UBR3: variants seen among roughly 807,000 people sequenced by gnomAD.
UBR3 encodes ubiquitin protein ligase E3 component n-recognin 3.
In UBR3, 85 loss-of-function variants were observed where a neutral mutation model predicts 243.2. The observed-to-expected ratio is 0.35, with a 90% CI of 0.29 to 0.42. UBR3 has a LOEUF of 0.42. Among genes scored for constraint, UBR3 ranks in the 10% least tolerant of loss-of-function variants. The pLI, the probability that UBR3 is intolerant of heterozygous loss-of-function variation, is 1.00. For synonymous variants in UBR3, 748 were observed against 799.8 expected (o/e 0.94, Z 1.09); for missense variants, 1,686 against 2,300.8 (o/e 0.73, Z 5.47).
intron 11 of UBR3, among the ~76,000 whole-genome samples, chr2:169,918,977 G>T (rs2085577584): frequency 1.3e-5 from 2 of 152,136 alleles, no homozygotes; most frequent in African/African-American, 4.8e-5. Context: ...CCATAAAAGG[G>T]AGCACCTGAT....
chr2:170,003,937 G>A (rs1011421324), intron 27 of UBR3, among the ~76,000 whole-genome samples: 3 of 152,224 alleles, frequency 2.0e-5, no homozygotes, highest in Admixed American at 6.5e-5. Flanking sequence ...ACTGTGCCTG[G>A]CCATCTGCCA....
In UBR3 at chr2:170,073,461, C is replaced by G. The variant is rs772683188; in HGVS notation, c.5053C>G (p.Leu1685Val). Residue 1685 changes from leucine to valine, a missense_variant, in exon 36 of 39, where the codon CTG (leucine) becomes GTG (valine). Transcript: ENST00000272793. ...EEEFSVLASC[L>V]GLLPTFYQTE... ...AGAATTTTCAGTTCTTGCCAGCTGC[C>G]TGGGACTTCTGCCAACGTTTTACCA... 1.2e-6 allele frequency: 2 copies of G among 1,613,636 alleles called. No homozygotes were observed. Among genetic ancestry groups the G allele is most frequent in the African/African-American group, 1.3e-5 (1 of 75,034 alleles).
Position 169,994,437 on chromosome 2 carries a change from T to TA in UBR3, c.3900dup (p.Gln1301ThrfsTer5). 6.2e-7 allele frequency: 1 copy of TA among 1,614,098 alleles called. No individual in the cohort carries two copies. The highest frequency in any genetic ancestry group is 8.5e-7 in the Non-Finnish European group (1 of 1,179,954). On this transcript the variant is annotated frameshift_variant, in exon 26 of 39. Transcript: ENST00000272793. LOFTEE classifies it high-confidence loss of function. ...GTTCATGATGTGAGGCTTTCATTAT[T>TA]ACAGCGTTATTTTAAGGATGTAAGT...
At chr2:169,954,719 T>C (rs907077210) in intron 23 of UBR3, among the ~76,000 whole-genome samples, 1 of 152,022 alleles carries the variant, frequency 6.6e-6, no homozygotes, top group Non-Finnish European at 1.5e-5. Context: ...GGATTACAGG[T>C]GCTTGCCACC....
At chr2:169,897,011 A>G (rs1202960707) in intron 8 of UBR3, among the ~76,000 whole-genome samples, 1 of 152,104 alleles carries the variant, frequency 6.6e-6, no homozygotes, top group African/African-American at 2.4e-5. Flanking sequence ...ATTCACAAAT[A>G]CCTGTTGTTA....
At chr2:169,992,750 CT>C (rs1188786930) in intron 25 of UBR3, among the ~76,000 whole-genome samples, 1 of 152,028 alleles carries the variant, frequency 6.6e-6, no homozygotes, top group African/African-American at 2.4e-5. Flanking sequence ...CAAGGTTATT[CT>C]TTTTTAAAAA....
intron 23 of UBR3, among the ~76,000 whole-genome samples, chr2:169,954,763 C>T (rs1333690877): frequency 6.6e-6 from 1 of 151,720 alleles, no homozygotes. Context: ...TTAGTAGAGA[C>T]AGGGTTTCAC....
chr2:169,944,924 C>G (rs565144389), intron 20 of UBR3, among the ~76,000 whole-genome samples: 2 of 152,232 alleles, frequency 1.3e-5, no homozygotes, highest in African/African-American at 4.8e-5. Flanking sequence ...TTGGTTTTCT[C>G]TCCATAACAT....
At chr2:169,927,905 T>C (rs2085970467) in intron 17 of UBR3, among the ~76,000 whole-genome samples, 1 of 152,252 alleles carries the variant, frequency 6.6e-6, no homozygotes, top group Non-Finnish European at 1.5e-5. Context: ...GTTCTTTGTA[T>C]AGGACTGAAC....
At chr2:170,040,854 A>G (rs1553538911) in intron 31 of UBR3, 28 bp from the exon 32 acceptor site, 3 of 1,524,868 alleles carry the variant, frequency 2.0e-6, no homozygotes, top group African/African-American at 1.4e-5. Flanking sequence ...ATACAATACT[A>G]TGTAAAGTGA....
chr2:169,841,777 G>C (rs4668172), intron 1 of UBR3, among the ~76,000 whole-genome samples: 8,707 of 152,306 alleles, frequency 0.057, 452 homozygotes, highest in African/African-American at 0.14. Context: ...CCGCGGGGCA[G>C]GGCTCGGGAC....
At chr2:170,081,041 A>G (rs1401872455) in intron 38 of UBR3, among the ~76,000 whole-genome samples, 1 of 152,050 alleles carries the variant, frequency 6.6e-6, no homozygotes, top group African/African-American at 2.4e-5. Context: ...AAATAAAAAT[A>G]AATAAGCCAG....
At chr2:169,897,979 G>A (rs2084655699) in intron 8 of UBR3, among the ~76,000 whole-genome samples, 1 of 152,142 alleles carries the variant, frequency 6.6e-6, no homozygotes, top group Non-Finnish European at 1.5e-5. Flanking sequence ...AGGTTATACA[G>A]CCAGCAAATG....
chr2:170,068,308 A>C (rs1278793477), intron 35 of UBR3, among the ~76,000 whole-genome samples: 2 of 152,042 alleles, frequency 1.3e-5, no homozygotes, highest in Admixed American at 6.6e-5. Context: ...GTCTCTACTA[A>C]AATACAGAAA....
intron 33 of UBR3, among the ~76,000 whole-genome samples, chr2:170,056,003 C>CTTTTT (rs34415442): frequency 8.7e-4 from 77 of 88,916 alleles, no homozygotes; most frequent in African/African-American, 1.6e-3. Flanking sequence ...TCTTTTCTTT[C>CTTTTT]TTTTTTTTTT....
At position 169,876,798 on chromosome 2, in the gene UBR3, G is replaced by A. The variant is rs150439348; in HGVS notation, c.845-696G>A. Among the ~76,000 whole-genome samples the A allele has an allele frequency of 7.7e-3, 1,177 of 152,016 alleles. 13 individuals are homozygous for A. Among genetic ancestry groups the A allele is most frequent in the African/African-American group, 0.026 (1,061 of 41,456 alleles). On this transcript the variant is annotated intron_variant, in intron 3 of 38. Coordinates refer to ENST00000272793, the MANE Select transcript of UBR3 (RefSeq NM_172070.4). Reference sequence around the variant, plus strand: ...AGGCTGGTCTTGAGCTCCTGACCTCGGGTGATCTGCCAGCCTTGGCCTCCT... The same window carrying A: ...AGGCTGGTCTTGAGCTCCTGACCTCAGGTGATCTGCCAGCCTTGGCCTCCT...
Position 169,875,889 on chromosome 2 carries a change from A to G in UBR3, c.784A>G (p.Met262Val). The change falls in exon 3 of 39, where the codon ATG (methionine) becomes GTG (valine). Residue 262 changes from methionine (M) to valine (V), a missense_variant. By Grantham distance (21) the Met-to-Val change is conservative (BLOSUM62 1). This residue lies in a region of UBR3 where 200 missense variants were observed against 231.6 expected (regional missense o/e 0.86). Coordinates refer to ENST00000272793, the MANE Select transcript of UBR3 (RefSeq NM_172070.4). ...AGACCTGACTAAAATGGGAGGAGCA[A>G]TGCGGTCTGTTCTTACTCAGGTTTT... Reference protein sequence around the residue: ...LEDLTKMGGAMRSVLTQVLTN... With the variant: ...LEDLTKMGGAVRSVLTQVLTN... The G allele has an allele frequency of 2.6e-6, 4 of 1,550,030 alleles. No homozygotes were observed. Among genetic ancestry groups the G allele is most frequent in the Non-Finnish European group, 2.6e-6 (3 of 1,146,150 alleles).
At chr2:169,880,186 G>A (rs1193153743) in intron 5 of UBR3, among the ~76,000 whole-genome samples, 2 of 152,202 alleles carry the variant, frequency 1.3e-5, no homozygotes, top group Non-Finnish European at 2.9e-5. Flanking sequence ...TCTGTAGCCA[G>A]TAGGAACTTT....
At chr2:169,878,629 C>CT in intron 5 of UBR3, 55 bp downstream of exon 5, 1 of 1,422,218 alleles carries the variant, frequency 7.0e-7, no homozygotes, top group South Asian at 1.3e-5. Context: ...CTTTTTTATA[C>CT]TTTTTTATTA....
Sources: gnomAD v4.1 joint callset for allele counts (sites outside exome capture counted in the v4.1 genomes callset) on GRCh38, gnomAD v4.1.1 for gene constraint, gnomAD v4.1.1 regional missense constraint, MANE v1.5 for transcripts, NCBI Gene and HGNC (gene_info 2026-07-23, HGNC 2026-07-21) for gene names.